The following DBF4B variants were observed in gnomAD, a reference collection of about 807,000 sequenced individuals.
DBF4B encodes protein DBF4 homolog B.
A neutral mutation model predicts 53.4 loss-of-function variants in DBF4B; 49 were observed. The ratio of observed to expected loss-of-function variants is 0.92; its 90% confidence interval spans 0.73 to 1.16. DBF4B has a LOEUF of 1.16. Among genes scored for constraint, DBF4B ranks in the 50% most tolerant of loss-of-function variants. DBF4B has a pLI of 0.00. For synonymous variants in DBF4B, 257 were observed against 288.7 expected (o/e 0.89, Z 1.11); for missense variants, 692 against 775.0 (o/e 0.89, Z 1.27).
chr17:44,744,081 A>ACCACCCCCCCCC (rs1976348417), intron 10 of DBF4B, among the ~76,000 whole-genome samples: 1 of 8,694 alleles, frequency 1.2e-4, no homozygotes, highest in Non-Finnish European at 1.8e-4. Flanking sequence ...TAATGAGACC[A>ACCACCCCCCCCC]CCCCCCCCCC....
chr17:44,739,825 C>T (rs957804621), intron 9 of DBF4B, among the ~76,000 whole-genome samples: 24 of 152,000 alleles, frequency 1.6e-4, no homozygotes, highest in African/African-American at 5.3e-4. Flanking sequence ...GGCTGGAGTG[C>T]GGTGGCACAA....
At chr17:44,720,719 G>C (rs1045265982) in intron 2 of DBF4B, 1 of 152,428 alleles carries the variant, frequency 6.6e-6, no homozygotes, top group Non-Finnish European at 1.5e-5. Flanking sequence ...GAGTAAAATT[G>C]CTGGGTCATA....
chr17:44,720,771 T>G (rs1973757947), intron 2 of DBF4B, among the ~76,000 whole-genome samples: 1 of 152,074 alleles, frequency 6.6e-6, no homozygotes, highest in South Asian at 2.1e-4. Context: ...TAACACATGG[T>G]TTTCCAATGT....
intron 10 of DBF4B, among the ~76,000 whole-genome samples, chr17:44,744,077 G>T (rs1406660168): frequency 1.7e-4 from 5 of 29,170 alleles, no homozygotes; most frequent in African/African-American, 7.9e-4. Context: ...AACATAATGA[G>T]ACCACCCCCC....
At position 44,747,592 on chromosome 17, in the gene DBF4B, T is replaced by A. The variant is rs180842983; in HGVS notation, c.1064+77T>A. ...CTCTGGGTGGGAAGAGACCCTCAGG[T>A]TGGTGGCTGCTGGGACCAGACTGTG... On this transcript the variant is annotated intron_variant, in intron 12 of 13. Coordinates refer to ENST00000315005, the MANE Select transcript of DBF4B (RefSeq NM_145663.3). 5.7e-4 allele frequency: 894 copies of A among 1,564,790 alleles called. 6 individuals are homozygous for A. The African/African-American group carries it at 0.011, about 20-fold the overall frequency.
rs1484786438 is a variant in DBF4B, at chr17:44,751,926, G to A, written c.*673G>A. On this transcript the variant is annotated 3_prime_UTR_variant, in exon 14 of 14. Transcript: ENST00000315005. ...CTTCCTCACCATTGCCCATTCCCTC[G>A]TTCGTTCATTCAGCACAGGCCTTGC... is the stretch of plus-strand genomic sequence containing the variant. 19 of 1,535,494 alleles carry A rather than the reference G, an allele frequency of 1.2e-5. No individual in the cohort carries two copies. Among genetic ancestry groups the A allele is most frequent in the African/African-American group, 2.7e-5 (2 of 72,816 alleles).
chr17:44,731,854 GT>G (rs1485256854), intron 5 of DBF4B: 3 of 281,020 alleles, frequency 1.1e-5, no homozygotes, highest in African/African-American at 6.6e-5. Context: ...TGTACTTACT[GT>G]GCTGAGAGCT....
At chr17:44,740,690 T>G (rs1191403718) in intron 9 of DBF4B, among the ~76,000 whole-genome samples, 1 of 152,240 alleles carries the variant, frequency 6.6e-6, no homozygotes, top group East Asian at 1.9e-4. Flanking sequence ...TCTGGAGATG[T>G]GGCTTCTGAT....
intron 2 of DBF4B, among the ~76,000 whole-genome samples, chr17:44,711,627 CG>C (rs1381119299): frequency 1.3e-5 from 2 of 152,006 alleles, no homozygotes; most frequent in African/African-American, 4.8e-5. Flanking sequence ...GCCTGGGCAA[CG>C]TGGTGAAACC....
At chr17:44,746,976 A>G (rs1032391282) in intron 10 of DBF4B, 107 bp from the exon 11 acceptor site, 1 of 1,017,868 alleles carries the variant, frequency 9.8e-7, no homozygotes, top group Non-Finnish European at 1.5e-6. Flanking sequence ...CCCCTTGGCC[A>G]TCTTGGTCCT....
chr17:44,727,827 A>G (rs1284156334), intron 3 of DBF4B, among the ~76,000 whole-genome samples: 3 of 149,578 alleles, frequency 2.0e-5, no homozygotes, highest in Non-Finnish European at 4.4e-5. Flanking sequence ...CCTCCAGAGT[A>G]GCTGGGTTTA....
At chr17:44,746,891 C>T (rs1326671361) in intron 10 of DBF4B, among the ~76,000 whole-genome samples, 192 bp from the exon 11 acceptor site, 1 of 151,876 alleles carries the variant, frequency 6.6e-6, no homozygotes, top group East Asian at 1.9e-4. Context: ...ACGTCTTCTT[C>T]CTTGTTCCCC....
rs375849896 is a variant in DBF4B at position 44,747,112 on chromosome 17, G to C, written c.860G>C (p.Arg287Pro). 6.2e-7 allele frequency: 1 copy of C among 1,614,130 alleles called. No individual in the cohort carries two copies. Among genetic ancestry groups the C allele is most frequent in the Admixed American group, 1.7e-5 (1 of 60,030 alleles). The change falls in exon 11 of 14, where the codon CGA becomes CCA. Residue 287 changes from arginine (R) to proline (P), a missense_variant. By Grantham distance (103) the Arg-to-Pro change is moderately radical (BLOSUM62 -2). Coordinates refer to ENST00000315005, the MANE Select transcript of DBF4B (RefSeq NM_145663.3). Reference protein sequence around the residue: ...RESKDGEPSPRSAAHTMPRRK... With the variant: ...RESKDGEPSPPSAAHTMPRRK... ...TCCAAGGATGGAGAGCCAAGCCCAC[G>C]ATCAGCTGCCCACACCATGCCCAGG...
At position 44,751,802 on chromosome 17, in the gene DBF4B, G is replaced by A. The variant is rs2049281927; in HGVS notation, c.*549G>A. ...CCAAGGTCATGGACAGGCTACTGGT[G>A]ACCAAAGTTGGTTCCTTTTCTCCTT... On this transcript the variant is annotated 3_prime_UTR_variant, in exon 14 of 14. Coordinates refer to ENST00000315005, the MANE Select transcript of DBF4B (RefSeq NM_145663.3). 3.3e-6 allele frequency: 5 copies of A among 1,526,050 alleles called. No individual in the cohort carries two copies. Among genetic ancestry groups the A allele is most frequent in the Non-Finnish European group, 4.4e-6 (5 of 1,141,124 alleles). The allele number at this position is 1,526,050 out of a possible 1,614,324, so 94.5% of individuals were successfully genotyped here.
chr17:44,742,544 G>A (rs905201286), intron 10 of DBF4B, among the ~76,000 whole-genome samples: 6 of 152,088 alleles, frequency 3.9e-5, no homozygotes, highest in African/African-American at 1.4e-4. Flanking sequence ...TTGTGCCACT[G>A]CACTCCAGCC....
intron 3 of DBF4B, among the ~76,000 whole-genome samples, 178 bp from the exon 4 acceptor site, chr17:44,729,727 C>CACACACACACACA (rs3223649): frequency 1.4e-5 from 2 of 145,212 alleles, no homozygotes; most frequent in African/African-American, 2.6e-5. Flanking sequence ...CACACACACA[C>CACACACACACACA]CCCATTAGAT....
At chr17:44,737,017 C>T (rs1452144110) in intron 8 of DBF4B, 151 bp downstream of exon 8, 1 of 954,392 alleles carries the variant, frequency 1.0e-6, no homozygotes. Flanking sequence ...GGGCCTGGTC[C>T]TCAGGTTTCT....
chr17:44,728,742 G>A (rs770428438), intron 3 of DBF4B, among the ~76,000 whole-genome samples: 6 of 151,930 alleles, frequency 3.9e-5, no homozygotes, highest in Non-Finnish European at 7.4e-5. Context: ...GCTTGAACCT[G>A]GGAGGCGGAG....
chr17:44,738,073 A>C lies in DBF4B; in HGVS notation c.668-306A>C, dbSNP rs148133888. ...CAGCCAGGTGTCTGATGGTGGTGGC[A>C]TCTTTGGTTGGTCGATAGCCTCCAG... On this transcript the variant is annotated intron_variant, in intron 8 of 13. Coordinates refer to ENST00000315005, the MANE Select transcript of DBF4B (RefSeq NM_145663.3). Among the ~76,000 whole-genome samples, 28 of 152,310 alleles carry C rather than the reference A, an allele frequency of 1.8e-4. No individual in the cohort carries two copies. The East Asian group carries it at 2.3e-3, about 13-fold the overall frequency.
Sources: gnomAD v4.1 joint callset for allele counts (sites outside exome capture counted in the v4.1 genomes callset) on GRCh38, gnomAD v4.1.1 for gene constraint, MANE v1.5 for transcripts, NCBI Gene and HGNC (gene_info 2026-07-23, HGNC 2026-07-21) for gene names.